Variants in PRKG1 observed in about 807,000 individuals in gnomAD.
The protein encoded by PRKG1 is protein kinase cGMP-dependent 1.
PRKG1 carries 35 observed loss-of-function variants against 88.1 expected under a neutral mutation model. That is an observed-to-expected ratio of 0.40 (90% CI 0.30 to 0.53). PRKG1 has a LOEUF of 0.53. Among genes scored for constraint, PRKG1 ranks in the 20% least tolerant of loss-of-function variants. The pLI, the probability that PRKG1 is intolerant of heterozygous loss-of-function variation, is 0.59. For missense variants in PRKG1, 540 were observed against 839.8 expected, an observed-to-expected ratio of 0.64 and a Z score of 4.41; for synonymous variants, 303 against 292.5, an observed-to-expected ratio of 1.04 and a Z score of -0.37.
chr10:51,605,781 A>G lies in PRKG1; in HGVS notation c.592+137945A>G, dbSNP rs546630322. 2.6e-5 allele frequency among the ~76,000 whole-genome samples: 4 copies of G among 152,326 alleles called. No homozygotes were observed. In the Middle Eastern group the frequency reaches 0.01, roughly 389 times the overall value. On this transcript the variant is annotated intron_variant, in intron 3 of 17. Coordinates refer to ENST00000373980, the MANE Select transcript of PRKG1 (RefSeq NM_006258.4). The stretch of plus-strand genomic sequence containing the variant: ...TGATAAATAAAAAAGCGGGGAAACA[A>G]TTTTGGGGGAGCCAATAGAGTATAG...
At chr10:52,244,587 C>T (rs997380517) in intron 9 of PRKG1, among the ~76,000 whole-genome samples, 2 of 150,558 alleles carry the variant, frequency 1.3e-5, no homozygotes, top group Non-Finnish European at 3.0e-5. Context: ...CCTTTTTAAA[C>T]GTGAAAATAT....
intron 9 of PRKG1, among the ~76,000 whole-genome samples, chr10:52,200,076 T>C (rs1039048101): frequency 6.6e-6 from 1 of 152,172 alleles, no homozygotes; most frequent in African/African-American, 2.4e-5. Context: ...TTTTAACTTT[T>C]AGTTGCGGGA....
At chr10:52,189,925 C>T (rs1306224554) in intron 9 of PRKG1, among the ~76,000 whole-genome samples, 4 of 152,172 alleles carry the variant, frequency 2.6e-5, no homozygotes, top group Non-Finnish European at 5.9e-5. Flanking sequence ...TCATTTATAT[C>T]CTTAAGCTGC....
intron 7 of PRKG1, among the ~76,000 whole-genome samples, chr10:52,123,572 T>C (rs539510723): frequency 1.3e-5 from 2 of 152,280 alleles, no homozygotes; most frequent in East Asian, 3.9e-4. Context: ...TTATTTTACA[T>C]TGTAGGATTT....
chr10:51,945,546 A>G (rs1304027047), intron 5 of PRKG1, among the ~76,000 whole-genome samples: 1 of 151,846 alleles, frequency 6.6e-6, no homozygotes, highest in Non-Finnish European at 1.5e-5. Context: ...GTTTCTTCCT[A>G]GCCTCGATGG....
intron 3 of PRKG1, among the ~76,000 whole-genome samples, chr10:51,547,360 G>T (rs1842466053): frequency 9.4e-6 from 1 of 105,892 alleles, no homozygotes. Context: ...TTTGACTTGT[G>T]GGTTGAATCA....
At chr10:51,399,313 A>G (rs1478579362) in intron 2 of PRKG1, among the ~76,000 whole-genome samples, 2 of 152,150 alleles carry the variant, frequency 1.3e-5, no homozygotes, top group Admixed American at 1.3e-4. Context: ...GAAATTGGAG[A>G]AATCTTATTG....
In PRKG1 at chr10:51,997,332, G is replaced by A. The variant is rs144930732; in HGVS notation, c.763-57152G>A. 4.2e-3 allele frequency among the ~76,000 whole-genome samples: 644 copies of A among 151,924 alleles called. 5 individuals are homozygous for A. The highest frequency in any genetic ancestry group is 0.015 in the African/African-American group (613 of 41,454). ...CTAAAAATACATAAATTAGCTGGGC[G>A]TGGTGGTGGGTGCCCGTAGTCCCAG... On this transcript the variant is annotated intron_variant, in intron 5 of 17. Transcript: ENST00000373980.
intron 9 of PRKG1, among the ~76,000 whole-genome samples, chr10:52,223,166 C>A (rs1008126411): frequency 6.6e-6 from 1 of 152,086 alleles, no homozygotes; most frequent in African/African-American, 2.4e-5. Flanking sequence ...GACTGCTAAT[C>A]CAGTTCTTTG....
chr10:51,977,103 A>G (rs1202732659), intron 5 of PRKG1, among the ~76,000 whole-genome samples: 3 of 151,812 alleles, frequency 2.0e-5, no homozygotes, highest in East Asian at 3.9e-4. Flanking sequence ...TATTGTTCAG[A>G]CCCTCTACCT....
chr10:51,631,118 A>G (rs1386940534), intron 3 of PRKG1, among the ~76,000 whole-genome samples: 2 of 152,240 alleles, frequency 1.3e-5, no homozygotes, highest in Non-Finnish European at 2.9e-5. Context: ...TGCTGAACCC[A>G]TAATTTAAGT....
At chr10:51,421,005 C>T (rs1838398118) in intron 2 of PRKG1, among the ~76,000 whole-genome samples, 1 of 152,166 alleles carries the variant, frequency 6.6e-6, no homozygotes, top group South Asian at 2.1e-4. Flanking sequence ...CCAGACACCT[C>T]CCACCAGGCC....
At chr10:51,754,299 A>G (rs1008679440) in intron 3 of PRKG1, among the ~76,000 whole-genome samples, 2 of 152,142 alleles carry the variant, frequency 1.3e-5, no homozygotes, top group Non-Finnish European at 2.9e-5. Flanking sequence ...CTGGGACTTC[A>G]CTTTTGCGCC....
intron 1 of PRKG1, among the ~76,000 whole-genome samples, chr10:51,086,450 T>G (rs1462212474): frequency 6.6e-6 from 1 of 152,188 alleles, no homozygotes; most frequent in Non-Finnish European, 1.5e-5. Context: ...AATAGAGAAT[T>G]TAGGCACTTA....
At chr10:51,261,840 G>A (rs10996389) in intron 2 of PRKG1, among the ~76,000 whole-genome samples, 16,787 of 151,114 alleles carry the variant, frequency 0.11, 1,297 homozygotes, top group African/African-American at 0.22. Flanking sequence ...GCAGAGTGTC[G>A]GTAGATGGAA....
chr10:52,266,023 T>C (rs1000522924), intron 10 of PRKG1, among the ~76,000 whole-genome samples: 2 of 152,018 alleles, frequency 1.3e-5, no homozygotes, highest in Admixed American at 6.6e-5. Flanking sequence ...AAAACCAGTG[T>C]GGTATAAGCA....
At chr10:51,947,000 A>G (rs1022221497) in intron 5 of PRKG1, among the ~76,000 whole-genome samples, 6 of 152,062 alleles carry the variant, frequency 3.9e-5, no homozygotes, top group Non-Finnish European at 1.5e-5. Flanking sequence ...AAGCTGTCAG[A>G]CAGGGACATT....
At chr10:51,358,757 A>G (rs1842418155) in intron 2 of PRKG1, among the ~76,000 whole-genome samples, 1 of 151,882 alleles carries the variant, frequency 6.6e-6, no homozygotes, top group South Asian at 2.1e-4. Context: ...AAGTTAGCTA[A>G]TTTGGAATAC....
chr10:52,092,930 G>A (rs1426376687), intron 7 of PRKG1, among the ~76,000 whole-genome samples: 1 of 152,040 alleles, frequency 6.6e-6, no homozygotes, highest in Non-Finnish European at 1.5e-5. Flanking sequence ...AGGGTGAAAC[G>A]GCCTTAGACA....
Sources: gnomAD v4.1 joint callset for allele counts (sites outside exome capture counted in the v4.1 genomes callset) on GRCh38, gnomAD v4.1.1 for gene constraint, MANE v1.5 for transcripts, NCBI Gene and HGNC (gene_info 2026-07-23, HGNC 2026-07-21) for gene names.